Variants in TRRAP observed in about 807,000 individuals in gnomAD.
TRRAP encodes transformation/transcription domain associated protein, also known as transformation/transcription domain-associated protein.
TRRAP carries 41 observed loss-of-function variants against 438.8 expected under a neutral mutation model. That is an observed-to-expected ratio of 0.09 (90% CI 0.07 to 0.12). The LOEUF is 0.12. TRRAP is among the 10% of genes least tolerant of loss of function. The pLI is 1.00. For missense variants in TRRAP, 3,122 were observed against 5,055.1 expected (o/e 0.62, Z 11.60); for synonymous variants, 1,994 against 1,962.9 (o/e 1.02, Z -0.42).
rs984949423 is a variant in TRRAP at position 99,002,179 on chromosome 7, C to T, written c.10310-2011C>T. ...CTGTGAAGGGCAGCCAAGGGCATCC[C>T]GTGCTGATGGTGCAGCTCAGCAACT... On this transcript the variant is annotated intron_variant, in intron 67 of 72. Transcript: ENST00000456197. Among the ~76,000 whole-genome samples, 15 of 152,250 alleles carry T rather than the reference C, an allele frequency of 9.9e-5. No homozygotes were observed. In the East Asian group the frequency reaches 1.9e-3, roughly 20 times the overall value.
chr7:98,959,637 T>A, intron 45 of TRRAP, 147 bp downstream of exon 45: 1 of 1,152,056 alleles, frequency 8.7e-7, no homozygotes, highest in Non-Finnish European at 1.2e-6. Flanking sequence ...AGTCATGGCC[T>A]CTCCCACATT....
intron 63 of TRRAP, 117 bp downstream of exon 63, chr7:98,989,083 A>T: frequency 9.6e-7 from 1 of 1,042,820 alleles, no homozygotes; most frequent in Non-Finnish European, 1.4e-6. Context: ...TCATGCCTTA[A>T]CTCTTAATCC....
At chr7:98,929,879 C>A in intron 23 of TRRAP, 110 bp from the exon 24 acceptor site, 2 of 1,174,130 alleles carry the variant, frequency 1.7e-6, no homozygotes, top group Non-Finnish European at 2.5e-6. Flanking sequence ...CGGGTGTGAG[C>A]CGCCGTGCCC....
At chr7:98,916,791 C>T (rs890954662) in intron 19 of TRRAP, among the ~76,000 whole-genome samples, 26 of 152,192 alleles carry the variant, frequency 1.7e-4, no homozygotes, top group African/African-American at 6.0e-4. Flanking sequence ...CCTCCTCTAT[C>T]CTCCTCATCC....
At chr7:98,906,933 G>A (rs1342250229) in intron 13 of TRRAP, among the ~76,000 whole-genome samples, 1 of 151,380 alleles carries the variant, frequency 6.6e-6, no homozygotes, top group East Asian at 1.9e-4. Context: ...TAGAAGGGAA[G>A]AAAACCTTCT....
At chr7:98,978,645 CCACTCTTACTGTGTT>C (rs764636845) in intron 57 of TRRAP, 109 bp from the exon 58 acceptor site, 250 of 1,347,484 alleles carry the variant, frequency 1.9e-4, no homozygotes, top group Non-Finnish European at 2.4e-4. Context: ...CCACAGAAGT[CCACTCTTACTGTGTT>C]GTTCTTCTGT....
Position 99,012,455 on chromosome 7 carries a change from G to A in TRRAP, c.*100G>A, listed in dbSNP as rs1236198563. The A allele has an allele frequency of 2.9e-6, 4 of 1,368,854 alleles. No homozygotes were observed. The highest frequency in any genetic ancestry group is 1.5e-5 in the South Asian group (1 of 66,810). The allele number at this position is 1,368,854 out of a possible 1,614,324, so 84.8% of individuals were successfully genotyped here. On this transcript the variant is annotated 3_prime_UTR_variant, in exon 73 of 73. Transcript: ENST00000456197. The surrounding 1 kb of genome is among the most constrained non-coding windows in gnomAD (Gnocchi z 5.9). ...TGCCTCGTTCCTTATATTCACAGAA[G>A]CCCCATAGTTTCACTGGGTTGCGGT...
At chr7:98,901,219 C>A (rs1397179889) in intron 11 of TRRAP, among the ~76,000 whole-genome samples, 1 of 152,272 alleles carries the variant, frequency 6.6e-6, no homozygotes, top group Non-Finnish European at 1.5e-5. Context: ...TGAGGGCTTT[C>A]TTCCTGCCTT....
intron 7 of TRRAP, among the ~76,000 whole-genome samples, chr7:98,896,066 A>G (rs572351456): frequency 1.7e-4 from 26 of 152,328 alleles, no homozygotes; most frequent in African/African-American, 6.3e-4. Flanking sequence ...TTTATTGTAG[A>G]AATTTTGGAA....
Position 99,011,367 on chromosome 7 carries a change from C to G in TRRAP, c.11169C>G (p.Tyr3723Ter). The change falls in exon 72 of 73, where the codon TAC (tyrosine) becomes TAG (stop). Residue 3723 changes from tyrosine (Y) to a stop codon, truncating the protein, a stop_gained. Transcript: ENST00000456197. LOFTEE classifies it high-confidence loss of function. The surrounding 1 kb of genome is among the most constrained non-coding windows in gnomAD (Gnocchi z 7.1). ...AQDTGKLNVA[Y>*]FRFDINDATG... ...ACACTGGCAAACTGAATGTTGCCTA[C>G]TTTCGATTTGACATAAACGACGCGA... The G allele has an allele frequency of 6.2e-7, 1 of 1,614,182 alleles. No individual in the cohort carries two copies. The highest frequency in any genetic ancestry group is 8.5e-7 in the Non-Finnish European group (1 of 1,179,998).
At chr7:99,010,608 C>T (rs1293140373) in intron 70 of TRRAP, among the ~76,000 whole-genome samples, 4 of 152,024 alleles carry the variant, frequency 2.6e-5, no homozygotes, top group African/African-American at 9.7e-5. Flanking sequence ...TTCAGTCTCT[C>T]GTGTGGTGTG....
intron 26 of TRRAP, among the ~76,000 whole-genome samples, chr7:98,932,961 CT>C (rs1554413277): frequency 6.7e-6 from 1 of 150,250 alleles, no homozygotes; most frequent in Non-Finnish European, 1.5e-5. Context: ...ATAGCACAGT[CT>C]GGTAGTTTTA....
chr7:98,910,293 C>G lies in TRRAP; in HGVS notation c.1588C>G (p.Gln530Glu). The G allele has an allele frequency of 1.2e-6, 2 of 1,604,796 alleles. No homozygotes were observed. The highest frequency in any genetic ancestry group is 1.7e-6 in the Non-Finnish European group (2 of 1,179,424). ...TPAPVPPFEK[Q>E]GEKDKEDKQT... ...GGCCCCCGTGCCTCCCTTCGAGAAG[C>G]AAGGAGAAAAGGACAAGGAAGACAA... The change falls in exon 15 of 73, where the codon CAA becomes GAA. Residue 530 changes from glutamine (Q) to glutamate (E), a missense_variant. Transcript: ENST00000456197.
intron 31 of TRRAP, among the ~76,000 whole-genome samples, chr7:98,944,991 G>A (rs1554416458): frequency 6.6e-6 from 1 of 152,168 alleles, no homozygotes; most frequent in Admixed American, 6.5e-5. Context: ...GTTTAGTAGA[G>A]ATGGGGTTTC....
At chr7:98,987,295 G>A (rs1366974663) in intron 62 of TRRAP, among the ~76,000 whole-genome samples, 1 of 152,214 alleles carries the variant, frequency 6.6e-6, no homozygotes, top group Non-Finnish European at 1.5e-5. Flanking sequence ...CATTGAATCT[G>A]TAGATCAGTT....
intron 51 of TRRAP, among the ~76,000 whole-genome samples, chr7:98,968,383 G>T (rs980282634): frequency 6.6e-6 from 1 of 152,222 alleles, no homozygotes; most frequent in Admixed American, 6.5e-5. Context: ...TGTCGGTTTT[G>T]GTTCCTTAGT....
intron 38 of TRRAP, 62 bp from the exon 39 acceptor site, chr7:98,950,814 G>T: frequency 1.4e-6 from 2 of 1,460,582 alleles, no homozygotes; most frequent in Non-Finnish European, 9.0e-7. Flanking sequence ...TGTTCTTCCC[G>T]TCTTAAGAAA....
Position 98,978,857 on chromosome 7 carries a change from G to A in TRRAP, c.8587G>A (p.Ala2863Thr), listed in dbSNP as rs745964521. 7 of 1,614,082 alleles carry A rather than the reference G, an allele frequency of 4.3e-6. No individual in the cohort carries two copies. The highest frequency in any genetic ancestry group is 4.0e-5 in the African/African-American group (3 of 74,946). The change falls in exon 58 of 73, where the codon GCC (alanine) becomes ACC (threonine). Residue 2863 changes from alanine to threonine, a missense_variant. Ala to Thr is a moderately conservative substitution (Grantham distance 58, BLOSUM62 0). Around this residue, in one of 24 missense-constraint regions of TRRAP, gnomAD observed 992 missense variants for 1,281.2 expected, o/e 0.77. Transcript: ENST00000456197. ...CAACCCCTACCTCGTCCTGGAGTGC[G>A]CCTGGCGGGTGTCCAACTGGACTGC... The part of the protein sequence containing the change: ...HINPYLVLEC[A>T]WRVSNWTAMK...
rs1435571813 is a variant in TRRAP at position 98,976,988 on chromosome 7, A to G, written c.8297A>G (p.Asp2766Gly). ...AELYSLLQEE[D>G]MWAGLWQKRC... ...CTTTACTCCCTGTTACAAGAGGAAG[A>G]TATGTGGGCTGGTCTGTGGCAGAAG... The change falls in exon 56 of 73, where the codon GAT (aspartate) becomes GGT (glycine). Residue 2766 changes from aspartate (D) to glycine (G), a missense_variant. Asp to Gly is a moderately conservative substitution (Grantham distance 94, BLOSUM62 -1). Transcript: ENST00000456197. This position sits in a 1 kb window ranked among gnomAD's most constrained non-coding sequence, Gnocchi z 4.6. 6.2e-7 allele frequency: 1 copy of G among 1,614,050 alleles called. No individual in the cohort carries two copies.
Sources: gnomAD v4.1 joint callset for allele counts (sites outside exome capture counted in the v4.1 genomes callset) on GRCh38, gnomAD v4.1.1 for gene constraint, gnomAD v4.1.1 regional missense constraint, Gnocchi (gnomAD v3.1) non-coding constraint, MANE v1.5 for transcripts, NCBI Gene and HGNC (gene_info 2026-07-23, HGNC 2026-07-21) for gene names.